The following NRG1 variants were observed in gnomAD, a reference collection of about 807,000 sequenced individuals.
The protein encoded by NRG1 is pro-neuregulin-1, membrane-bound isoform.
A neutral mutation model predicts 63.8 loss-of-function variants in NRG1; 18 were observed. The observed-to-expected ratio is 0.28, with a 90% CI of 0.19 to 0.42. The LOEUF is 0.42. Among genes scored for constraint, NRG1 ranks in the 10% least tolerant of loss-of-function variants. The pLI is 1.00. For missense variants in NRG1, 762 were observed against 814.7 expected, an observed-to-expected ratio of 0.94 and a Z score of 0.79; for synonymous variants, 302 against 301.3, an observed-to-expected ratio of 1.00 and a Z score of -0.02.
chr8:32,483,450 A>G (rs1353362727), intron 1 of NRG1, among the ~76,000 whole-genome samples: 1 of 152,198 alleles, frequency 6.6e-6, no homozygotes, highest in African/African-American at 2.4e-5. Flanking sequence ...TCCCCCCATG[A>G]AAGTTATGCA....
At chr8:32,679,363 T>C (rs1808020948) in intron 5 of NRG1, among the ~76,000 whole-genome samples, 1 of 152,206 alleles carries the variant, frequency 6.6e-6, no homozygotes, top group Non-Finnish European at 1.5e-5. Flanking sequence ...GTAGTTTTAA[T>C]GTTATAAATG....
At chr8:31,808,749 T>C (rs1822545162) in intron 1 of NRG1, among the ~76,000 whole-genome samples, 1 of 152,142 alleles carries the variant, frequency 6.6e-6, no homozygotes, top group Admixed American at 6.5e-5. Context: ...ATACTTTTTA[T>C]TTCTACATCA....
At chr8:32,344,324 C>CTCTCTCTT (rs1804464663) in intron 1 of NRG1, among the ~76,000 whole-genome samples, 1 of 64,096 alleles carries the variant, frequency 1.6e-5, no homozygotes, top group African/African-American at 5.6e-5. Context: ...TTCCTTCTTT[C>CTCTCTCTT]TCTTTCTTTC....
Position 32,069,182 on chromosome 8 carries a change from T to C in NRG1, c.37+429751T>C, listed in dbSNP as rs183656621. On this transcript the variant is annotated intron_variant, in intron 1 of 10. Coordinates refer to the NRG1 transcript ENST00000519301. ...AGAACTGTGTTTACTGGAAGTCTTT[T>C]AGAGTTCAAAGTGAACTTATCTGAG... Among the ~76,000 whole-genome samples, 8 of 152,334 alleles carry C rather than the reference T, an allele frequency of 5.3e-5. No individual in the cohort carries two copies. The East Asian group carries it at 1.5e-3, about 29-fold the overall frequency.
chr8:32,533,037 C>CA (rs11419276), intron 1 of NRG1, among the ~76,000 whole-genome samples: 58,925 of 147,372 alleles, frequency 0.4, 11,811 homozygotes, highest in Admixed American at 0.49. Flanking sequence ...GATGTTTCAC[C>CA]AAAAAAAAAA....
intron 1 of NRG1, among the ~76,000 whole-genome samples, chr8:31,737,337 A>G (rs1814783637): frequency 6.6e-6 from 1 of 152,040 alleles, no homozygotes; most frequent in African/African-American, 2.4e-5. Context: ...CCTGGTCTCA[A>G]TTACAGAATT....
At chr8:32,080,043 TA>T (rs375529956) in intron 1 of NRG1, among the ~76,000 whole-genome samples, 27 of 151,992 alleles carry the variant, frequency 1.8e-4, no homozygotes, top group South Asian at 6.2e-4. Flanking sequence ...AAAACTCAAT[TA>T]AAAAAAAGAC....
intron 1 of NRG1, among the ~76,000 whole-genome samples, chr8:31,911,641 G>T (rs1046590890): frequency 6.6e-6 from 1 of 152,144 alleles, no homozygotes; most frequent in Non-Finnish European, 1.5e-5. Flanking sequence ...TTAATACATT[G>T]GGTGACAAAA....
chr8:32,240,480 C>T (rs773886679), intron 1 of NRG1, among the ~76,000 whole-genome samples: 2 of 152,082 alleles, frequency 1.3e-5, no homozygotes, highest in African/African-American at 2.4e-5. Context: ...TCTGTATCCT[C>T]ATTGCTGGTG....
chr8:31,856,692 C>A (rs1224585607), intron 1 of NRG1, among the ~76,000 whole-genome samples: 2 of 145,114 alleles, frequency 1.4e-5, no homozygotes, highest in Non-Finnish European at 3.0e-5. Flanking sequence ...AGTCGCTCTG[C>A]TTTTTAGAGT....
At chr8:32,616,907 A>G (rs1281203566) in intron 5 of NRG1, 22 bp downstream of exon 5, 4 of 1,545,498 alleles carry the variant, frequency 2.6e-6, no homozygotes, top group East Asian at 2.2e-5. Flanking sequence ...TAAATATTCT[A>G]TTCACTGGTT....
intron 1 of NRG1, among the ~76,000 whole-genome samples, chr8:31,764,198 G>A (rs964518178): frequency 6.6e-6 from 1 of 152,022 alleles, no homozygotes; most frequent in Non-Finnish European, 1.5e-5. Flanking sequence ...GATAATGGTA[G>A]ATTGACATGC....
intron 1 of NRG1, among the ~76,000 whole-genome samples, chr8:32,366,992 G>A (rs1446053341): frequency 1.3e-5 from 2 of 151,968 alleles, no homozygotes; most frequent in African/African-American, 4.8e-5. Flanking sequence ...GATTACAGGT[G>A]TGAGCCACCG....
intron 1 of NRG1, among the ~76,000 whole-genome samples, chr8:32,447,267 C>G (rs1456185526): frequency 6.6e-6 from 1 of 151,938 alleles, no homozygotes; most frequent in African/African-American, 2.4e-5. Flanking sequence ...TCGTGATCCA[C>G]CTGCATCGGC....
At chr8:32,223,058 TAGAC>T (rs1157806272) in intron 1 of NRG1, among the ~76,000 whole-genome samples, 1 of 152,114 alleles carries the variant, frequency 6.6e-6, no homozygotes, top group African/African-American at 2.4e-5. Context: ...AATTATCAGA[TAGAC>T]AGGAAAAAAT....
At chr8:32,056,543 C>T (rs1465241840) in intron 1 of NRG1, among the ~76,000 whole-genome samples, 1 of 152,106 alleles carries the variant, frequency 6.6e-6, no homozygotes, top group African/African-American at 2.4e-5. Context: ...TAGAATTACT[C>T]CCATATTATT....
At position 32,262,300 on chromosome 8, in the gene NRG1, C is replaced by G. The variant is rs188859951; in HGVS notation, c.38-333528C>G. On this transcript the variant is annotated intron_variant, in intron 1 of 10. Transcript: ENST00000519301. ...TGCTTGCTACTAAGAATTTCCAACA[C>G]AACCTCCAATTAAATAGTTCTTTGA... 4.1e-3 allele frequency among the ~76,000 whole-genome samples: 623 copies of G among 152,266 alleles called. 3 individuals carry two copies. The highest frequency in any genetic ancestry group is 6.8e-3 in the Middle Eastern group (2 of 294).
At chr8:32,220,659 A>G (rs1586177595) in intron 1 of NRG1, among the ~76,000 whole-genome samples, 1 of 152,222 alleles carries the variant, frequency 6.6e-6, no homozygotes, top group Non-Finnish European at 1.5e-5. Context: ...TATCCTTCCC[A>G]CCAGCCATGC....
intron 1 of NRG1, among the ~76,000 whole-genome samples, chr8:32,001,760 T>C (rs373946566): frequency 9.2e-5 from 14 of 152,122 alleles, no homozygotes; most frequent in African/African-American, 2.9e-4. Flanking sequence ...CAGACTGGCG[T>C]TCTAGGTTTA....
Sources: gnomAD v4.1 joint callset for allele counts (sites outside exome capture counted in the v4.1 genomes callset) on GRCh38, gnomAD v4.1.1 for gene constraint, MANE v1.5 for transcripts, NCBI Gene and HGNC (gene_info 2026-07-23, HGNC 2026-07-21) for gene names.